SNTG1: variants seen among roughly 807,000 people sequenced by gnomAD.
SNTG1 encodes the protein syntrophin gamma 1.
A neutral mutation model predicts 74.7 loss-of-function variants in SNTG1; 39 were observed. The ratio of observed to expected loss-of-function variants is 0.52; its 90% CI spans 0.40 to 0.68. The LOEUF (loss-of-function observed/expected upper bound fraction) is 0.68, where lower values mean the gene tolerates loss of function less well. SNTG1 is among the 30% of genes least tolerant of loss of function. SNTG1 has a pLI of 0.00. For synonymous variants in SNTG1, 254 were observed against 217.1 expected (o/e 1.17, Z -1.49); for missense variants, 685 against 609.5 (o/e 1.12, Z -1.30).
intron 17 of SNTG1, among the ~76,000 whole-genome samples, chr8:50,716,143 A>T (rs2095474451): frequency 6.6e-6 from 1 of 152,158 alleles, no homozygotes; most frequent in Non-Finnish European, 1.5e-5. Context: ...TATATAAAGC[A>T]TTTATATGAT....
At chr8:50,756,877 A>G (rs1272991024) in intron 18 of SNTG1, among the ~76,000 whole-genome samples, 6 of 151,784 alleles carry the variant, frequency 4.0e-5, no homozygotes, top group African/African-American at 1.4e-4. Context: ...TCCAGACAAT[A>G]TTGAGTCTCC....
At chr8:50,563,201 C>T (rs762487978) in intron 12 of SNTG1, among the ~76,000 whole-genome samples, 60 of 152,140 alleles carry the variant, frequency 3.9e-4, no homozygotes, top group Non-Finnish European at 7.2e-4. Context: ...CACACAGCAA[C>T]TACTGCCTGT....
chr8:50,020,473 A>G (rs570649757), intron 1 of SNTG1, among the ~76,000 whole-genome samples: 1 of 152,278 alleles, frequency 6.6e-6, no homozygotes, highest in African/African-American at 2.4e-5. Flanking sequence ...TTATATGTAC[A>G]ATGCAATCAT....
At chr8:50,755,878 T>C (rs535842921) in intron 18 of SNTG1, among the ~76,000 whole-genome samples, 4 of 151,850 alleles carry the variant, frequency 2.6e-5, no homozygotes, top group African/African-American at 9.7e-5. Flanking sequence ...TATTTTCATA[T>C]GCTAATTTTC....
intron 8 of SNTG1, among the ~76,000 whole-genome samples, chr8:50,471,765 AT>A (rs1439089173): frequency 6.6e-6 from 1 of 152,190 alleles, no homozygotes; most frequent in Non-Finnish European, 1.5e-5. Flanking sequence ...ATGAAATACT[AT>A]TTTGGAATAA....
chr8:49,928,236 C>G (rs35593779), intron 1 of SNTG1, among the ~76,000 whole-genome samples: 24 of 135,108 alleles, frequency 1.8e-4, no homozygotes, highest in African/African-American at 8.3e-4. Context: ...TTTTTTGTTT[C>G]TTTTTTTTTG....
At chr8:50,494,040 A>G (rs924941168) in intron 8 of SNTG1, among the ~76,000 whole-genome samples, 3 of 151,450 alleles carry the variant, frequency 2.0e-5, no homozygotes, top group Admixed American at 6.6e-5. Flanking sequence ...TAGAGTTTTC[A>G]TTAGGAATTG....
chr8:49,937,646 T>C (rs1264922421), intron 1 of SNTG1, among the ~76,000 whole-genome samples: 1 of 152,192 alleles, frequency 6.6e-6, no homozygotes, highest in Non-Finnish European at 1.5e-5. Flanking sequence ...TCTAGTCAGC[T>C]ACACTCAAAA....
chr8:49,972,956 C>T (rs916415909), intron 1 of SNTG1, among the ~76,000 whole-genome samples: 8 of 152,202 alleles, frequency 5.3e-5, no homozygotes, highest in East Asian at 1.9e-4. Flanking sequence ...GTTGGTGTGG[C>T]GATTCCTCAG....
At chr8:50,481,110 C>T (rs1198914864) in intron 8 of SNTG1, among the ~76,000 whole-genome samples, 4 of 152,146 alleles carry the variant, frequency 2.6e-5, no homozygotes, top group Non-Finnish European at 4.4e-5. Context: ...AGGCTGGGCG[C>T]GGTGGCTCAC....
chr8:50,115,289 G>A (rs189419344), intron 1 of SNTG1, among the ~76,000 whole-genome samples: 242 of 151,954 alleles, frequency 1.6e-3, no homozygotes, highest in Non-Finnish European at 2.7e-3. Flanking sequence ...ATGCTTGGCC[G>A]GGTGCCATGG....
chr8:50,300,477 A>T (rs2089597725), intron 2 of SNTG1, among the ~76,000 whole-genome samples: 1 of 152,154 alleles, frequency 6.6e-6, no homozygotes, highest in Non-Finnish European at 1.5e-5. Context: ...TTGCAGCATC[A>T]AAATATAAGA....
At chr8:50,466,675 G>A (rs1904998) in intron 8 of SNTG1, among the ~76,000 whole-genome samples, 130,734 of 151,944 alleles carry the variant, frequency 0.86, 56,363 homozygotes, top group Non-Finnish European at 0.89. Flanking sequence ...AACATGGAAC[G>A]TCTATTAATT....
At chr8:50,433,189 AT>A (rs1007691826) in intron 4 of SNTG1, among the ~76,000 whole-genome samples, 4 of 152,192 alleles carry the variant, frequency 2.6e-5, no homozygotes, top group African/African-American at 9.7e-5. Context: ...AAGCAATTTA[AT>A]TTTTATAATA....
At chr8:50,646,512 G>A (rs1585945297) in intron 13 of SNTG1, among the ~76,000 whole-genome samples, 1 of 152,238 alleles carries the variant, frequency 6.6e-6, no homozygotes, top group South Asian at 2.1e-4. Flanking sequence ...TTTAATAAAA[G>A]TAAAGGAAGT....
At chr8:50,734,443 G>A (rs1187966107) in intron 17 of SNTG1, among the ~76,000 whole-genome samples, 1 of 151,080 alleles carries the variant, frequency 6.6e-6, no homozygotes, top group Non-Finnish European at 1.5e-5. Context: ...AATTTATTCT[G>A]CCTCAATATC....
chr8:50,727,584 T>C (rs2095503197), intron 17 of SNTG1, among the ~76,000 whole-genome samples: 1 of 152,122 alleles, frequency 6.6e-6, no homozygotes, highest in South Asian at 2.1e-4. Context: ...GGTCCTTCTG[T>C]AGAAAACAAG....
intron 1 of SNTG1, among the ~76,000 whole-genome samples, chr8:49,947,696 T>C (rs143637180): frequency 1.8e-3 from 270 of 152,284 alleles, no homozygotes; most frequent in Non-Finnish European, 3.1e-3. Context: ...AGTGACTTTG[T>C]GTAATTGTAA....
At chr8:50,269,605 C>T (rs944245394) in intron 2 of SNTG1, among the ~76,000 whole-genome samples, 1 of 152,098 alleles carries the variant, frequency 6.6e-6, no homozygotes, top group Non-Finnish European at 1.5e-5. Flanking sequence ...TCCACAGCAA[C>T]CTCAAAGTAT....
Sources: gnomAD v4.1 joint callset for allele counts (sites outside exome capture counted in the v4.1 genomes callset) on GRCh38, gnomAD v4.1.1 for gene constraint, MANE v1.5 for transcripts, NCBI Gene and HGNC (gene_info 2026-07-23, HGNC 2026-07-21) for gene names.